COL9A1: variants seen among roughly 807,000 people sequenced by gnomAD.
The protein encoded by COL9A1 is collagen alpha-1(IX) chain.
Under a neutral mutation model 142.6 loss-of-function variants are expected in COL9A1, and 104 were observed. That is an observed-to-expected ratio of 0.73 (90% CI 0.62 to 0.86). The LOEUF is 0.86. Ranked by LOEUF, COL9A1 falls within the 40% of genes least tolerant of loss-of-function variation. The pLI, the probability that COL9A1 is intolerant of heterozygous loss-of-function variation, is 0.00. For synonymous variants in COL9A1, 466 were observed against 396.0 expected (o/e 1.18, Z -2.10); for missense variants, 1,210 against 1,176.6 (o/e 1.03, Z -0.42).
At position 70,302,927 on chromosome 6, in the gene COL9A1, T is replaced by C. The variant is rs1297175156; in HGVS notation, c.-3A>G. 1.9e-6 allele frequency: 3 copies of C among 1,614,084 alleles called. No homozygotes were observed. On this transcript the variant is annotated 5_prime_UTR_variant, in exon 1 of 38. Transcript: ENST00000357250. ...TTGTCTTACCAGCAGGTCTTCATTTTCCCAGTTGATTTTCTTTGTTTGCCA... is the reference window on the plus strand; with the variant it reads ...TTGTCTTACCAGCAGGTCTTCATTTCCCCAGTTGATTTTCTTTGTTTGCCA...
chr6:70,270,180 A>G (rs1215717473), intron 15 of COL9A1, 134 bp downstream of exon 15: 1 of 811,258 alleles, frequency 1.2e-6, no homozygotes. Flanking sequence ...CCTTGAGTGC[A>G]TGGAAAAATT....
chr6:70,262,108 T>C (rs1386279815), intron 19 of COL9A1, among the ~76,000 whole-genome samples: 1 of 152,074 alleles, frequency 6.6e-6, no homozygotes, highest in Non-Finnish European at 1.5e-5. Context: ...TCTTTGGGAA[T>C]GGCTTTTATA....
rs781284050 is a variant in COL9A1, at chr6:70,294,156, T to G, written c.696+11A>C. 1 of 1,613,958 alleles carries G rather than the reference T, an allele frequency of 6.2e-7. No homozygotes were observed. The highest frequency in any genetic ancestry group is 1.1e-5 in the South Asian group (1 of 91,070). ...GCTTTAATCTGCCATAGTGTGTGGT[T>G]TTATACTTACTGGAACAGAAACTTG... On this transcript the variant is annotated intron_variant, in intron 5 of 37. Transcript: ENST00000357250.
intron 37 of COL9A1, chr6:70,222,641 A>G (rs1768951578): frequency 6.6e-6 from 1 of 152,236 alleles, no homozygotes; most frequent in Admixed American, 6.5e-5. Context: ...ACTGTCCAGA[A>G]AGAATACAGG....
At position 70,294,389 on chromosome 6, in the gene COL9A1, C is replaced by T. The variant is rs1445463806; in HGVS notation, c.474G>A (p.Lys158=). ...CTGTTTGGAGACTTCCATCCAGTCCCTTGTATGAAAATACAACAGATTGTG... is the reference window on the plus strand; with the variant it reads ...CTGTTTGGAGACTTCCATCCAGTCCTTTGTATGAAAATACAACAGATTGTG... The part of the protein sequence containing the change: ...GQTQSVVFSY[K]GLDGSLQTAA... The change falls in exon 5 of 38, where the codon AAG becomes AAA. Residue 158 remains lysine, a synonymous_variant. Coordinates refer to ENST00000357250, the MANE Select transcript of COL9A1 (RefSeq NM_001851.6). The T allele has an allele frequency of 6.2e-7, 1 of 1,614,090 alleles. No individual in the cohort carries two copies. Among genetic ancestry groups the T allele is most frequent in the South Asian group, 1.1e-5 (1 of 91,080 alleles).
Position 70,254,509 on chromosome 6 carries a change from C to A in COL9A1, c.1686G>T (p.Gly562=). ...CCTGCAATCCTGCATCACCAGGAGG[C>A]CCAGGTTTTCCTGGTTCACCCTGCA... The part of the protein sequence containing the change: ...PGTKGEPGKP[G]PPGDAGLQGL... Residue 562 remains glycine (G), a synonymous_variant, in exon 25 of 38, where the codon GGG becomes GGT. Transcript: ENST00000357250. 1.2e-6 allele frequency: 2 copies of A among 1,614,050 alleles called. No homozygotes were observed. Among genetic ancestry groups the A allele is most frequent in the Non-Finnish European group, 1.7e-6 (2 of 1,179,978 alleles).
At chr6:70,260,599 C>A (rs1771611296) in intron 20 of COL9A1, 58 bp downstream of exon 20, 1 of 1,514,372 alleles carries the variant, frequency 6.6e-7, no homozygotes, top group African/African-American at 1.4e-5. Flanking sequence ...GTTTAAACGG[C>A]CAAAATTTTA....
intron 37 of COL9A1, among the ~76,000 whole-genome samples, chr6:70,220,163 A>G (rs1481907707): frequency 6.6e-6 from 1 of 151,922 alleles, no homozygotes; most frequent in African/African-American, 2.4e-5. Flanking sequence ...CATCATCATC[A>G]TCATCACCAC....
chr6:70,295,545 C>T (rs1773822419), intron 4 of COL9A1, among the ~76,000 whole-genome samples: 1 of 152,038 alleles, frequency 6.6e-6, no homozygotes, highest in Admixed American at 6.6e-5. Flanking sequence ...GCCTCAGTCT[C>T]CCATAGTGCT....
intron 28 of COL9A1, among the ~76,000 whole-genome samples, chr6:70,243,732 T>C (rs1393551335): frequency 6.6e-6 from 1 of 152,220 alleles, no homozygotes; most frequent in African/African-American, 2.4e-5. Context: ...TTCGCCATAT[T>C]GGCCAGGCTG....
chr6:70,269,580 G>C, intron 16 of COL9A1, 53 bp downstream of exon 16: 1 of 1,188,272 alleles, frequency 8.4e-7, no homozygotes, highest in Non-Finnish European at 1.3e-6. Context: ...TCATCTGCAG[G>C]CTATATGGTC....
At chr6:70,299,222 A>G (rs921661219) in intron 4 of COL9A1, among the ~76,000 whole-genome samples, 1 of 152,042 alleles carries the variant, frequency 6.6e-6, no homozygotes, top group Admixed American at 6.6e-5. Flanking sequence ...TTTTATTTTT[A>G]TATACATTGA....
chr6:70,248,838 C>T (rs1221235775), intron 28 of COL9A1, among the ~76,000 whole-genome samples: 1 of 152,134 alleles, frequency 6.6e-6, no homozygotes, highest in Non-Finnish European at 1.5e-5. Context: ...CTGCAGTTAC[C>T]ACGGCATGGG....
At chr6:70,219,515 T>C (rs1434179906) in intron 37 of COL9A1, among the ~76,000 whole-genome samples, 3 of 152,232 alleles carry the variant, frequency 2.0e-5, no homozygotes, top group African/African-American at 7.2e-5. Context: ...TGATCCCTGA[T>C]GTTATAAAGA....
intron 36 of COL9A1, among the ~76,000 whole-genome samples, chr6:70,226,516 G>GTGGC (rs1176776536): frequency 6.6e-6 from 1 of 151,928 alleles, no homozygotes; most frequent in Non-Finnish European, 1.5e-5. Flanking sequence ...ATTACAAACA[G>GTGGC]TGGCATTCAG....
At chr6:70,280,151 T>G (rs954411739) in intron 10 of COL9A1, 6 of 560,516 alleles carry the variant, frequency 1.1e-5, no homozygotes, top group Non-Finnish European at 1.9e-5. Flanking sequence ...GAGATGTGGG[T>G]AAACTGGAGA....
chr6:70,291,764 T>A (rs1220948571), intron 5 of COL9A1, among the ~76,000 whole-genome samples: 2 of 152,174 alleles, frequency 1.3e-5, no homozygotes, highest in African/African-American at 4.8e-5. Context: ...AGATTCTTTA[T>A]AAGGAAAAAT....
intron 33 of COL9A1, among the ~76,000 whole-genome samples, chr6:70,237,461 C>G (rs1448075186): frequency 6.6e-6 from 1 of 152,222 alleles, no homozygotes; most frequent in Non-Finnish European, 1.5e-5. Flanking sequence ...GATTGTGGGA[C>G]AGTAGACTTC....
chr6:70,260,974 C>T, intron 19 of COL9A1: 1 of 392,036 alleles, frequency 2.6e-6, no homozygotes, highest in Admixed American at 3.9e-5. Context: ...AAGTAAATAC[C>T]AGCATAAGAG....
Sources: gnomAD v4.1 joint callset for allele counts (sites outside exome capture counted in the v4.1 genomes callset) on GRCh38, gnomAD v4.1.1 for gene constraint, MANE v1.5 for transcripts, NCBI Gene and HGNC (gene_info 2026-07-23, HGNC 2026-07-21) for gene names.